GPHN: variants seen among roughly 807,000 people sequenced by gnomAD.
The protein encoded by GPHN is gephyrin.
In GPHN, 17 loss-of-function variants were observed where a neutral mutation model predicts 95.5. The observed-to-expected ratio is 0.18, with a 90% CI of 0.12 to 0.27. GPHN has a LOEUF of 0.27. GPHN is among the 10% of genes least tolerant of loss of function. The pLI is 1.00. For missense variants in GPHN, 660 were observed against 978.1 expected (o/e 0.67, Z 4.34); for synonymous variants, 320 against 322.5 (o/e 0.99, Z 0.08).
intron 8 of GPHN, among the ~76,000 whole-genome samples, chr14:66,925,270 G>C (rs749189588): frequency 1.3e-5 from 2 of 152,122 alleles, no homozygotes; most frequent in Admixed American, 1.3e-4. Context: ...ATTTCTTTGT[G>C]TTACAGACAT....
At chr14:67,383,514 T>C in the GPHN span, 1 of 1,582,730 alleles carries the variant, frequency 6.3e-7, no homozygotes, top group Non-Finnish European at 8.6e-7. Context: ...GACTTGAAAG[T>C]TTTCCAGTAT....
Position 66,661,156 on chromosome 14 carries a change from G to T in GPHN, c.65-19951G>T, listed in dbSNP as rs77622078. On this transcript the variant is annotated intron_variant, in intron 1 of 22. Coordinates refer to ENST00000478722, the MANE Select transcript of GPHN (RefSeq NM_020806.5). ...GGATCTGAATCCAGGGGGCTAAGAA[G>T]CATTGATCTGTGGGCCCCATTTCCA... Among the ~76,000 whole-genome samples, 456 of 152,302 alleles carry T rather than the reference G, an allele frequency of 3.0e-3. 3 individuals are homozygous for T. Among genetic ancestry groups the T allele is most frequent in the African/African-American group, 0.011 (438 of 41,570 alleles).
At chr14:66,579,404 C>A (rs931524819) in intron 1 of GPHN, among the ~76,000 whole-genome samples, 1 of 150,198 alleles carries the variant, frequency 6.7e-6, no homozygotes. Flanking sequence ...TCAAAAGATA[C>A]AGAGCAGCTG....
At chr14:67,572,121 C>T in the GPHN span, 3 of 1,601,822 alleles carry the variant, frequency 1.9e-6, no homozygotes, top group Non-Finnish European at 1.7e-6. Context: ...CTTGACTCCT[C>T]CTCCCTCGGC....
chr14:67,316,083 A>G, the GPHN span, among the ~76,000 whole-genome samples: 1 of 152,216 alleles, frequency 6.6e-6, no homozygotes, highest in African/African-American at 2.4e-5. Context: ...TTTACACTGA[A>G]AAAAAGTAGA....
chr14:67,200,247 C>G, the GPHN span: 1 of 901,332 alleles, frequency 1.1e-6, no homozygotes, highest in Non-Finnish European at 1.7e-6. Context: ...CTATGGCTAC[C>G]AGCCTCTCCC....
At chr14:67,686,664 C>T in the GPHN span, among the ~76,000 whole-genome samples, 7 of 148,708 alleles carry the variant, frequency 4.7e-5, no homozygotes, top group Non-Finnish European at 8.9e-5. Flanking sequence ...AAAAAAGTGC[C>T]TGATGCATGG....
intron 1 of GPHN, among the ~76,000 whole-genome samples, chr14:66,628,431 A>G (rs1331411441): frequency 2.6e-5 from 4 of 152,134 alleles, no homozygotes; most frequent in East Asian, 1.9e-4. Context: ...TTATAACACA[A>G]TGGCAAATAT....
At chr14:67,123,691 A>G (rs754072310) in intron 17 of GPHN, among the ~76,000 whole-genome samples, 127 of 152,276 alleles carry the variant, frequency 8.3e-4, no homozygotes, top group Non-Finnish European at 6.0e-4. Context: ...ATAAATAAGT[A>G]AACAAATTAA....
At chr14:67,354,128 A>G in the GPHN span, among the ~76,000 whole-genome samples, 1 of 152,212 alleles carries the variant, frequency 6.6e-6, no homozygotes, top group Non-Finnish European at 1.5e-5. Context: ...AAGTATTGTT[A>G]TAGCAGCAGA....
chr14:66,720,807 G>T (rs1354755381), intron 2 of GPHN, among the ~76,000 whole-genome samples: 1 of 152,180 alleles, frequency 6.6e-6, no homozygotes, highest in Non-Finnish European at 1.5e-5. Context: ...CAAGGCTGCA[G>T]TGAGCTATGA....
At chr14:67,443,980 C>G in the GPHN span, among the ~76,000 whole-genome samples, 1 of 152,194 alleles carries the variant, frequency 6.6e-6, no homozygotes, top group Non-Finnish European at 1.5e-5. Context: ...CCTCTGCTCA[C>G]TGAGATAAGT....
At chr14:66,780,870 T>G (rs1221208444) in intron 3 of GPHN, among the ~76,000 whole-genome samples, 2 of 152,214 alleles carry the variant, frequency 1.3e-5, no homozygotes, top group East Asian at 1.9e-4. Context: ...TTGGGTAATA[T>G]CTGAGTAATC....
intron 4 of GPHN, among the ~76,000 whole-genome samples, chr14:66,826,907 T>C (rs977098562): frequency 6.6e-6 from 1 of 152,086 alleles, no homozygotes; most frequent in Non-Finnish European, 1.5e-5. Context: ...ACTTAGTCTT[T>C]CCAATGACCA....
chr14:67,608,862 C>CAAAACACA, the GPHN span, among the ~76,000 whole-genome samples: 43 of 152,186 alleles, frequency 2.8e-4, no homozygotes, highest in Non-Finnish European at 5.4e-4. Flanking sequence ...AACAACAAAA[C>CAAAACACA]AAAACACAAA....
chr14:67,350,513 T>C, the GPHN span: 1 of 1,037,720 alleles, frequency 9.6e-7, no homozygotes. Context: ...TCATTTGTCC[T>C]TAACGCTTAT....
the GPHN span, among the ~76,000 whole-genome samples, chr14:67,218,726 C>T: frequency 2.0e-5 from 3 of 152,000 alleles, no homozygotes; most frequent in Admixed American, 6.5e-5. Flanking sequence ...AAGCACAGCA[C>T]ATAGCCATTC....
chr14:67,437,389 G>A, the GPHN span, among the ~76,000 whole-genome samples: 2 of 152,216 alleles, frequency 1.3e-5, no homozygotes, highest in African/African-American at 4.8e-5. Context: ...AGATGGTCAG[G>A]GAAGGCTGAG....
At chr14:66,647,017 C>T (rs1015685359) in intron 1 of GPHN, among the ~76,000 whole-genome samples, 28 of 151,806 alleles carry the variant, frequency 1.8e-4, no homozygotes, top group South Asian at 2.1e-4. Flanking sequence ...TTTCCACAGC[C>T]TCCCAAGCAA....
Sources: gnomAD v4.1 joint callset for allele counts (sites outside exome capture counted in the v4.1 genomes callset) on GRCh38, gnomAD v4.1.1 for gene constraint, MANE v1.5 for transcripts, NCBI Gene and HGNC (gene_info 2026-07-23, HGNC 2026-07-21) for gene names.